Variants in KDM5B observed in about 807,000 individuals in gnomAD.
The protein encoded by KDM5B is lysine-specific demethylase 5B.
In KDM5B, 144 loss-of-function variants were observed where a neutral mutation model predicts 193.4. The ratio of observed to expected loss-of-function variants is 0.74; its 90% CI spans 0.65 to 0.86. KDM5B has a LOEUF of 0.86. Ranked by LOEUF, KDM5B falls within the 40% of genes least tolerant of loss-of-function variation. The pLI, the probability that KDM5B is intolerant of heterozygous loss-of-function variation, is 0.00. For synonymous variants in KDM5B, 668 were observed against 682.6 expected (o/e 0.98, Z 0.33); for missense variants, 1,833 against 1,886.9 (o/e 0.97, Z 0.53).
chr1:202,725,951 C>T lies in KDM5B; in HGVS notation c.*3085G>A, dbSNP rs1370254551. ...CAAGCCAGAAGCAGGTCTTAACAGA[C>T]TGCCAAATATCCATCAAGATTTTTT... On this transcript the variant is annotated 3_prime_UTR_variant, in exon 27 of 27. Coordinates refer to ENST00000367265, the MANE Select transcript of KDM5B (RefSeq NM_006618.5). 6.6e-6 allele frequency: 1 copy of T among 152,232 alleles called. No individual in the cohort carries two copies. Among genetic ancestry groups the T allele is most frequent in the Non-Finnish European group, 1.5e-5 (1 of 68,052 alleles). The allele number at this position is 152,232 out of a possible 1,614,324, so 9.4% of individuals were successfully genotyped here. A position where few individuals can be genotyped will look rare whatever the true frequency, so the allele number is the denominator to read the frequency against.
rs1248839801 is a variant in KDM5B at position 202,729,835 on chromosome 1, A to T, written c.4369T>A (p.Tyr1457Asn). 6.2e-7 allele frequency: 1 copy of T among 1,614,194 alleles called. No homozygotes were observed. The highest frequency in any genetic ancestry group is 1.1e-5 in the South Asian group (1 of 91,084). ...NNFKLERERS[Y>N]ELVRSAETHS... ...GTTTCAGCAGAACGAACTAATTCAT[A>T]GCTACGCTCTCTCTCTAACTTGAAA... The change falls in exon 26 of 27, where the codon TAT becomes AAT. Residue 1457 changes from tyrosine (Y) to asparagine (N), a missense_variant. By Grantham distance (143) the Tyr-to-Asn change is moderately radical. Coordinates refer to ENST00000367265, the MANE Select transcript of KDM5B (RefSeq NM_006618.5).
In KDM5B at chr1:202,756,413, A is replaced by G. The variant is rs1192570869; in HGVS notation, c.1301T>C (p.Phe434Ser). 4 of 1,613,644 alleles carry G rather than the reference A, an allele frequency of 2.5e-6. No individual in the cohort carries two copies. Among genetic ancestry groups the G allele is most frequent in the Non-Finnish European group, 3.4e-6 (4 of 1,179,766 alleles). Residue 434 changes from phenylalanine (F) to serine (S), a missense_variant, in exon 10 of 27, where the codon TTT becomes TCT. Phe to Ser is a radical substitution (Grantham distance 155). Around this residue, in one of 3 missense-constraint regions of KDM5B, gnomAD observed 1,379 missense variants for 1,349.6 expected, o/e 1.02. Coordinates refer to ENST00000367265, the MANE Select transcript of KDM5B (RefSeq NM_006618.5). ...ATCTCGGACAGGAAAGCCACTGCCA[A>G]ATTCCTTTGAGGCAATGTCAGCTCC... is the stretch of plus-strand genomic sequence containing the variant. ...EYGADIASKE[F>S]GSGFPVRDGK...
At chr1:202,804,068 A>G (rs1235593219) in intron 1 of KDM5B, among the ~76,000 whole-genome samples, 1 of 151,998 alleles carries the variant, frequency 6.6e-6, no homozygotes, top group Non-Finnish European at 1.5e-5. Context: ...TGTACCCTAG[A>G]ACTTAAAGTA....
rs1654624497 is a variant in KDM5B at position 202,724,919 on chromosome 1, T to C, written c.*4117A>G. 1 of 152,238 alleles carries C rather than the reference T, an allele frequency of 6.6e-6. No homozygotes were observed. The highest frequency in any genetic ancestry group is 2.1e-4 in the South Asian group (1 of 4,832). The allele number at this position is 152,238 out of a possible 1,614,324, so 9.4% of individuals were successfully genotyped here. On this transcript the variant is annotated 3_prime_UTR_variant, in exon 27 of 27. Transcript: ENST00000367265. ...GGTGCCTTTGGACATTTATTTTAAA[T>C]AGAGAAAATAACTTTTGTTTCCTCA...
At chr1:202,739,959 C>T (rs2102228899) in intron 20 of KDM5B, among the ~76,000 whole-genome samples, 1 of 152,366 alleles carries the variant, frequency 6.6e-6, no homozygotes, top group East Asian at 1.9e-4. Context: ...CCGCCATTGT[C>T]ATCCCGGCCC....
At chr1:202,745,174 G>A (rs1655503461) in intron 16 of KDM5B, among the ~76,000 whole-genome samples, 1 of 152,176 alleles carries the variant, frequency 6.6e-6, no homozygotes, top group Non-Finnish European at 1.5e-5. Flanking sequence ...GAGCCTATTG[G>A]AGGGTGGAGG....
rs1226464674 is a variant in KDM5B, at chr1:202,808,216, G to A, written c.90C>T (p.Pro30=). 1 of 1,612,744 alleles carries A rather than the reference G, an allele frequency of 6.2e-7. No homozygotes were observed. The highest frequency in any genetic ancestry group is 1.1e-5 in the South Asian group (1 of 91,066). ...PGPLGEFLPP[P]ECPVFEPSWE... is the part of the protein sequence containing the mutation. ...AGCTGGGTTCGAAGACCGGGCACTC[G>A]GGTGGAGGCAGGAACTCGCCCAGCG... is the stretch of plus-strand genomic sequence containing the variant. The change falls in exon 1 of 27, where the codon CCC becomes CCT. Residue 30 remains proline, a synonymous_variant. Transcript: ENST00000367265.
chr1:202,796,232 C>A, intron 1 of KDM5B: 1 of 353,268 alleles, frequency 2.8e-6, no homozygotes. Flanking sequence ...GCCCTCCTCT[C>A]TCCAATCCTG....
intron 1 of KDM5B, among the ~76,000 whole-genome samples, chr1:202,778,072 G>A (rs1331282060): frequency 6.6e-6 from 1 of 151,994 alleles, no homozygotes; most frequent in East Asian, 1.9e-4. Flanking sequence ...CTACTCAGGA[G>A]GCTGAGACAG....
chr1:202,770,789 G>A (rs768358182), intron 4 of KDM5B, among the ~76,000 whole-genome samples: 1 of 152,200 alleles, frequency 6.6e-6, no homozygotes, highest in Non-Finnish European at 1.5e-5. Context: ...AGGATCAGGA[G>A]TGATTTTATT....
chr1:202,808,377 G>C lies in KDM5B; in HGVS notation c.-72C>G. 2.2e-6 allele frequency: 3 copies of C among 1,358,808 alleles called. No homozygotes were observed. Among genetic ancestry groups the C allele is most frequent in the Non-Finnish European group, 2.9e-6 (3 of 1,017,996 alleles). The allele number at this position is 1,358,808 out of a possible 1,614,324, so 84.2% of individuals were successfully genotyped here. A position where few individuals can be genotyped will look rare whatever the true frequency, so the allele number is the denominator to read the frequency against. On this transcript the variant is annotated 5_prime_UTR_variant, in exon 1 of 27. Transcript: ENST00000367265. ...AGGCTGCGAGCTCCGCTCGGTCCGAGACCCGTGCAGACGCGGCTCGAGCAA... is the reference window on the plus strand; with the variant it reads ...AGGCTGCGAGCTCCGCTCGGTCCGACACCCGTGCAGACGCGGCTCGAGCAA...
chr1:202,751,972 A>G (rs181307745), intron 12 of KDM5B, among the ~76,000 whole-genome samples: 10 of 152,344 alleles, frequency 6.6e-5, no homozygotes, highest in Admixed American at 6.5e-4. Context: ...TTTCTAAGCT[A>G]TGGTCCATGC....
rs184342687 is a variant in KDM5B, at chr1:202,751,653, T to C, written c.1702-875A>G. On this transcript the variant is annotated intron_variant, in intron 12 of 26. Coordinates refer to ENST00000367265, the MANE Select transcript of KDM5B (RefSeq NM_006618.5). ...CCCTTTCTGATTCTCAATAGAGTTA[T>C]TAGATCAGTCTCATAGTTGTCACCA... is the stretch of plus-strand genomic sequence containing the variant. 2.9e-3 allele frequency among the ~76,000 whole-genome samples: 436 copies of C among 152,320 alleles called. 2 individuals are homozygous for C. Among genetic ancestry groups the C allele is most frequent in the South Asian group, 0.025 (121 of 4,828 alleles).
At position 202,728,888 on chromosome 1, in the gene KDM5B, CT is replaced by C; in HGVS notation, c.*147del. 9.0e-6 allele frequency: 8 copies of C among 887,274 alleles called. No individual in the cohort carries two copies. The highest frequency in any genetic ancestry group is 1.3e-5 in the Non-Finnish European group (8 of 601,990). 55.0% of individuals were successfully genotyped at this position (887,274 alleles called of 1,614,324 possible). On this transcript the variant is annotated 3_prime_UTR_variant, in exon 27 of 27. Transcript: ENST00000367265. ...TGTTTTTTCTTTTCTTCAAAGAGTCCTGGAAAAATGATCCCATAAGGAATAG... is the reference window on the plus strand; with the variant it reads ...TGTTTTTTCTTTTCTTCAAAGAGTCCGGAAAAATGATCCCATAAGGAATAG...
intron 18 of KDM5B, 59 bp from the exon 19 acceptor site, chr1:202,741,781 T>G: frequency 1.1e-6 from 1 of 941,932 alleles, no homozygotes; most frequent in Non-Finnish European, 1.6e-6. Flanking sequence ...TTGGCTTCTT[T>G]CAAACTTAGA....
intron 4 of KDM5B, 75 bp from the exon 5 acceptor site, chr1:202,767,135 AGC>A (rs1193072772): frequency 1.1e-5 from 17 of 1,594,086 alleles, no homozygotes; most frequent in Non-Finnish European, 1.5e-5. Context: ...AAACATATCT[AGC>A]ATGCCACATG....
At position 202,745,328 on chromosome 1, in the gene KDM5B, T is replaced by TA. The variant is rs1341352443; in HGVS notation, c.2323+529dup. Among the ~76,000 whole-genome samples, 5 of 151,820 alleles carry TA rather than the reference T, an allele frequency of 3.3e-5. No homozygotes were observed. In the South Asian group the frequency reaches 1.0e-3, roughly 32 times the overall value. ...GCACATATACCCCTGAGGTGAAAAG[T>TA]AAAAAGCAAAAAACAAACTATATTT... is the stretch of plus-strand genomic sequence containing the variant. On this transcript the variant is annotated intron_variant, in intron 16 of 26. Transcript: ENST00000367265.
intron 1 of KDM5B, among the ~76,000 whole-genome samples, chr1:202,778,235 G>C (rs746024550): frequency 2.0e-5 from 3 of 152,114 alleles, no homozygotes; most frequent in Admixed American, 6.5e-5. Flanking sequence ...CTCTAGAGGA[G>C]AATTTTCCTA....
Position 202,745,880 on chromosome 1 carries a change from C to G in KDM5B, c.2301G>C (p.Glu767Asp). 1 of 1,614,020 alleles carries G rather than the reference C, an allele frequency of 6.2e-7. No individual in the cohort carries two copies. Among genetic ancestry groups the G allele is most frequent in the African/African-American group, 1.3e-5 (1 of 75,038 alleles). Residue 767 changes from glutamate (E) to aspartate (D), a missense_variant, in exon 16 of 27, where the codon GAG (glutamate) becomes GAC (aspartate). Transcript: ENST00000367265. ...TACTTTTCTTCTTGTTGATCTTTGC[C>G]TCCAAAGCTTCATTCACATTCAAGG... ...EWALNVNEALEAKINKKKSLV... is the reference protein window; with the variant it reads ...EWALNVNEALDAKINKKKSLV...
Sources: allele counts gnomAD v4.1 joint callset (sites outside exome capture counted in the v4.1 genomes callset), GRCh38; gene constraint gnomAD v4.1.1; regional missense constraint gnomAD v4.1.1; transcripts MANE v1.5; gene names NCBI Gene and HGNC (gene_info 2026-07-23, HGNC 2026-07-21).